The following PRKN variants were observed in gnomAD, a reference collection of about 807,000 sequenced individuals.
PRKN encodes the protein parkin RBR E3 ubiquitin protein ligase.
A neutral mutation model predicts 59.5 loss-of-function variants in PRKN; 56 were observed. The ratio of observed to expected loss-of-function variants is 0.94; its 90% confidence interval spans 0.76 to 1.18. PRKN has a LOEUF of 1.18. Among genes scored for constraint, PRKN ranks in the 50% most tolerant of loss-of-function variants. PRKN has a pLI of 0.00. For missense variants in PRKN, 657 were observed against 596.4 expected, an observed-to-expected ratio of 1.10 and a Z score of -1.06; for synonymous variants, 250 against 222.1, an observed-to-expected ratio of 1.13 and a Z score of -1.12.
chr6:161,452,412 T>C (rs187683538), intron 9 of PRKN, among the ~76,000 whole-genome samples: 68 of 152,340 alleles, frequency 4.5e-4, no homozygotes, highest in African/African-American at 1.6e-3. Context: ...GAGTTCAATT[T>C]AATATCCCTA....
At chr6:162,514,756 C>T (rs1777773330) in intron 1 of PRKN, among the ~76,000 whole-genome samples, 1 of 151,768 alleles carries the variant, frequency 6.6e-6, no homozygotes, top group African/African-American at 2.4e-5. Flanking sequence ...AGAGTGAGAC[C>T]CATCTCTATA....
In PRKN at chr6:162,526,506, C is replaced by T. The variant is rs144607203; in HGVS notation, c.8-83033G>A. Among the ~76,000 whole-genome samples the T allele has an allele frequency of 7.8e-3, 1,180 of 151,692 alleles. 11 individuals are homozygous for T. Among genetic ancestry groups the T allele is most frequent in the South Asian group, 0.018 (85 of 4,784 alleles). On this transcript the variant is annotated intron_variant, in intron 1 of 11. Coordinates refer to ENST00000366898, the MANE Select transcript of PRKN (RefSeq NM_004562.3). The stretch of plus-strand genomic sequence containing the variant: ...CTCTACTAAAAATACAAAAACTAGC[C>T]GGGCCTGGTGGCGCATGCCTGCAGT...
intron 1 of PRKN, among the ~76,000 whole-genome samples, chr6:162,512,819 T>G (rs533417941): frequency 6.6e-6 from 1 of 152,276 alleles, no homozygotes; most frequent in Admixed American, 6.5e-5. Context: ...TTGGAATATA[T>G]TATCCATTTA....
At chr6:162,579,932 C>T (rs1166535662) in intron 1 of PRKN, among the ~76,000 whole-genome samples, 1 of 152,162 alleles carries the variant, frequency 6.6e-6, no homozygotes, top group Non-Finnish European at 1.5e-5. Context: ...GGGTGATACC[C>T]CACAACACAT....
chr6:161,999,387 A>C (rs1382948662), intron 5 of PRKN, among the ~76,000 whole-genome samples: 1 of 152,124 alleles, frequency 6.6e-6, no homozygotes, highest in Non-Finnish European at 1.5e-5. Flanking sequence ...CATCATGAAA[A>C]AGAGTGACTG....
chr6:161,755,893 C>T (rs559724106), intron 7 of PRKN, among the ~76,000 whole-genome samples: 1 of 152,232 alleles, frequency 6.6e-6, no homozygotes, highest in African/African-American at 2.4e-5. Context: ...CAAGTGGCTA[C>T]TGCCCTCTGT....
chr6:162,138,226 G>A (rs372802773), intron 4 of PRKN, among the ~76,000 whole-genome samples: 5 of 152,108 alleles, frequency 3.3e-5, no homozygotes, highest in African/African-American at 9.7e-5. Context: ...AAGCTCACAC[G>A]GAGGTGGGAT....
chr6:161,510,106 G>A (rs1379061413), intron 9 of PRKN, among the ~76,000 whole-genome samples: 2 of 152,086 alleles, frequency 1.3e-5, no homozygotes, highest in East Asian at 1.9e-4. Context: ...GCATCGTTGA[G>A]AGGCATGTTC....
At chr6:161,984,212 CTGG>C (rs1338225610) in intron 5 of PRKN, among the ~76,000 whole-genome samples, 2 of 152,078 alleles carry the variant, frequency 1.3e-5, no homozygotes, top group African/African-American at 4.8e-5. Context: ...CACTTGTACC[CTGG>C]ATCCAGCTAT....
intron 7 of PRKN, among the ~76,000 whole-genome samples, chr6:161,672,880 T>G (rs1006034235): frequency 6.6e-6 from 1 of 152,208 alleles, no homozygotes; most frequent in African/African-American, 2.4e-5. Flanking sequence ...CTCTGACCTA[T>G]TCTAGAATCA....
intron 6 of PRKN, among the ~76,000 whole-genome samples, chr6:161,965,531 T>C (rs778055932): frequency 3.3e-5 from 5 of 152,042 alleles, no homozygotes; most frequent in African/African-American, 4.8e-5. Flanking sequence ...AGTCAAACTC[T>C]GTAAAATATT....
chr6:162,014,789 A>G (rs1471499308), intron 5 of PRKN, among the ~76,000 whole-genome samples: 1 of 149,446 alleles, frequency 6.7e-6, no homozygotes, highest in Non-Finnish European at 1.5e-5. Flanking sequence ...AAGATAACAC[A>G]ATACAGATCA....
intron 2 of PRKN, among the ~76,000 whole-genome samples, chr6:162,296,583 T>C (rs1781689620): frequency 6.6e-6 from 1 of 152,130 alleles, no homozygotes; most frequent in Non-Finnish European, 1.5e-5. Context: ...ATCCATTCTT[T>C]TGCCAACCAA....
intron 1 of PRKN, among the ~76,000 whole-genome samples, chr6:162,480,216 A>T (rs2128181895): frequency 6.6e-6 from 1 of 152,276 alleles, no homozygotes; most frequent in Middle Eastern, 3.4e-3. Flanking sequence ...CCCCAGGGTC[A>T]CCACGCACAC....
At chr6:162,402,059 G>C (rs1301143443) in intron 2 of PRKN, among the ~76,000 whole-genome samples, 2 of 152,040 alleles carry the variant, frequency 1.3e-5, no homozygotes, top group African/African-American at 4.8e-5. Flanking sequence ...AGACCAGCCT[G>C]GCCGACATGG....
chr6:162,511,619 C>T (rs1360825219), intron 1 of PRKN, among the ~76,000 whole-genome samples: 3 of 152,054 alleles, frequency 2.0e-5, no homozygotes, highest in Non-Finnish European at 4.4e-5. Context: ...ATTAATAATA[C>T]ATGTATACGA....
rs1325432964 is a variant in PRKN at position 161,357,146 on chromosome 6, G to A, written c.1285+2942C>T. Among the ~76,000 whole-genome samples, 4 of 147,366 alleles carry A rather than the reference G, an allele frequency of 2.7e-5. No individual in the cohort carries two copies. The highest frequency in any genetic ancestry group is 5.9e-5 in the Non-Finnish European group (4 of 67,548). ...AGCTCACTGCAAATTCCGCCTCCCA[G>A]GTTCAAGTAATTCTCCTGCCTCAGG... On this transcript the variant is annotated intron_variant, in intron 11 of 11. Coordinates refer to ENST00000366898, the MANE Select transcript of PRKN (RefSeq NM_004562.3). This position sits in a 1 kb window ranked among gnomAD's most constrained non-coding sequence, Gnocchi z 5.5.
In PRKN at chr6:161,566,165, T is replaced by C. The variant is rs1403931116; in HGVS notation, c.933+3190A>G. Among the ~76,000 whole-genome samples the C allele has an allele frequency of 6.6e-6, 1 of 152,204 alleles. No homozygotes were observed. Among genetic ancestry groups the C allele is most frequent in the Non-Finnish European group, 1.5e-5 (1 of 68,038 alleles). ...TCCCAGTTGCCAAAATTAAAATGTA[T>C]GTATTTGCAGTCTCCCACTCTTTGG... On this transcript the variant is annotated intron_variant, in intron 8 of 11. Transcript: ENST00000366898. This position sits in a 1 kb window ranked among gnomAD's most constrained non-coding sequence, Gnocchi z 4.1.
rs113668502 is a variant in PRKN, at chr6:161,808,568, A to G, written c.735-22660T>C. On this transcript the variant is annotated intron_variant, in intron 6 of 11. Coordinates refer to ENST00000366898, the MANE Select transcript of PRKN (RefSeq NM_004562.3). Reference sequence around the variant, plus strand: ...AGCTCAACTGTGACAGATGTTATAAAGGGTGTTCTTAATATTATTTTTGTA... The same window carrying G: ...AGCTCAACTGTGACAGATGTTATAAGGGGTGTTCTTAATATTATTTTTGTA... Among the ~76,000 whole-genome samples, 215 of 152,306 alleles carry G rather than the reference A, an allele frequency of 1.4e-3. 7 individuals carry two copies. The South Asian group carries it at 0.039, about 28-fold the overall frequency.
Sources: allele counts gnomAD v4.1 joint callset (sites outside exome capture counted in the v4.1 genomes callset), GRCh38; gene constraint gnomAD v4.1.1; non-coding constraint Gnocchi (gnomAD v3.1); transcripts MANE v1.5; gene names NCBI Gene and HGNC (gene_info 2026-07-23, HGNC 2026-07-21).